FOXN3: variants seen among roughly 807,000 people sequenced by gnomAD.
FOXN3 encodes the protein forkhead box N3, also known as forkhead box protein N3.
In FOXN3, 7 loss-of-function variants were observed where a neutral mutation model predicts 38.4. The observed-to-expected ratio is 0.18, with a 90% CI of 0.10 to 0.34. The LOEUF (loss-of-function observed/expected upper bound fraction) is 0.34. Ranked by LOEUF, FOXN3 falls within the 10% of genes least tolerant of loss-of-function variation. The probability of loss-of-function intolerance (pLI) is 1.00; values close to 1 mark genes in which losing one functional copy is unlikely to be tolerated. For missense variants in FOXN3, 456 were observed against 613.4 expected, an observed-to-expected ratio of 0.74 and a Z score of 2.71; for synonymous variants, 230 against 242.2, an observed-to-expected ratio of 0.95 and a Z score of 0.47.
At chr14:89,238,950 G>A (rs939828973) in intron 4 of FOXN3, among the ~76,000 whole-genome samples, 2 of 152,100 alleles carry the variant, frequency 1.3e-5, no homozygotes, top group African/African-American at 4.8e-5. Context: ...CATAATTGCA[G>A]ACTGCCAGTA....
chr14:89,377,395 C>T (rs2160218), intron 2 of FOXN3, among the ~76,000 whole-genome samples: 58,538 of 151,994 alleles, frequency 0.39, 13,821 homozygotes, highest in Admixed American at 0.55. Context: ...TGACAGACAT[C>T]GAACTGAATT....
intron 4 of FOXN3, among the ~76,000 whole-genome samples, chr14:89,262,108 A>C (rs901208592): frequency 8.0e-4 from 119 of 149,136 alleles, no homozygotes; most frequent in South Asian, 1.5e-3. Flanking sequence ...GTCTCAAAAG[A>C]AAAAAAAAAG....
At chr14:89,458,283 G>A (rs117568728) in intron 1 of FOXN3, among the ~76,000 whole-genome samples, 6,240 of 152,194 alleles carry the variant, frequency 0.041, 207 homozygotes, top group Middle Eastern at 0.078. Flanking sequence ...TGCCTTGCCC[G>A]GGGCTCTCTG....
chr14:89,440,259 T>C (rs945682326), intron 1 of FOXN3, among the ~76,000 whole-genome samples: 52 of 152,160 alleles, frequency 3.4e-4, no homozygotes, highest in African/African-American at 1.1e-3. Flanking sequence ...AGGGGTGCTT[T>C]CCTGGCCTCT....
At chr14:89,529,187 T>C (rs1174367036) in intron 1 of FOXN3, among the ~76,000 whole-genome samples, 1 of 152,130 alleles carries the variant, frequency 6.6e-6, no homozygotes, top group Non-Finnish European at 1.5e-5. Context: ...AAATCATACA[T>C]AGGTGGTTCC....
chr14:89,311,643 GA>G (rs1887553378), intron 3 of FOXN3, among the ~76,000 whole-genome samples: 8 of 149,980 alleles, frequency 5.3e-5, no homozygotes, highest in Non-Finnish European at 1.0e-4. Flanking sequence ...TGGCTAACCG[GA>G]TGAAACCCCG....
rs890765793 is a variant in FOXN3 at position 89,160,955 on chromosome 14, AAAG to A, written c.*1456_*1458del. Reference sequence around the variant, plus strand: ...AAGAAAGCAAAGAAAAGGAAAGAAAAAAGAAGAAAACCAAAAGAAACTCTAAGC... The same window carrying A: ...AAGAAAGCAAAGAAAAGGAAAGAAAAAAGAAAACCAAAAGAAACTCTAAGC... On this transcript the variant is annotated 3_prime_UTR_variant, in exon 6 of 6. Coordinates refer to ENST00000557258, the MANE Select transcript of FOXN3 (RefSeq NM_005197.4). The A allele has an allele frequency of 1.3e-5, 2 of 152,212 alleles. No homozygotes were observed. Among genetic ancestry groups the A allele is most frequent in the African/African-American group, 4.8e-5 (2 of 41,460 alleles). The allele number at this position is 152,212 out of a possible 1,614,324, so 9.4% of individuals were successfully genotyped here. A position where few individuals can be genotyped will look rare whatever the true frequency, so the allele number is the denominator to read the frequency against.
intron 1 of FOXN3, among the ~76,000 whole-genome samples, chr14:89,466,023 A>G (rs998154413): frequency 6.6e-6 from 1 of 152,210 alleles, no homozygotes; most frequent in Non-Finnish European, 1.5e-5. Context: ...AGTATCTACC[A>G]GCTGCCCCCC....
intron 3 of FOXN3, among the ~76,000 whole-genome samples, chr14:89,297,964 GA>G (rs1887096785): frequency 6.6e-6 from 1 of 152,158 alleles, no homozygotes; most frequent in Admixed American, 6.5e-5. Flanking sequence ...TGGCCTGGGT[GA>G]CAGACAGAGA....
At chr14:89,476,187 G>T (rs1239181121) in intron 1 of FOXN3, among the ~76,000 whole-genome samples, 1 of 152,130 alleles carries the variant, frequency 6.6e-6, no homozygotes, top group Non-Finnish European at 1.5e-5. Context: ...CTAGTGTTAG[G>T]TAAAAGTCCA....
chr14:89,443,902 A>G (rs10130254), intron 1 of FOXN3, among the ~76,000 whole-genome samples: 3,362 of 149,762 alleles, frequency 0.022, 35 homozygotes, highest in Middle Eastern at 0.038. Context: ...CCAGCTACTC[A>G]GGAGGCTGAG....
In FOXN3 at chr14:89,158,193, C is replaced by T. The variant is rs1367259353; in HGVS notation, c.*4221G>A. 1 of 152,314 alleles carries T rather than the reference C, an allele frequency of 6.6e-6. No individual in the cohort carries two copies. The highest frequency in any genetic ancestry group is 2.4e-5 in the African/African-American group (1 of 41,470). 9.4% of individuals were successfully genotyped at this position (152,314 alleles called of 1,614,324 possible). ...GAATGAGTGGAACTTGCGTCAGTAG[C>T]CCTTGGCCTGGGCAGTCCTGGCGTG... On this transcript the variant is annotated 3_prime_UTR_variant, in exon 6 of 6. Transcript: ENST00000557258.
At chr14:89,563,393 G>A (rs140764431) in intron 1 of FOXN3, among the ~76,000 whole-genome samples, 1 of 152,326 alleles carries the variant, frequency 6.6e-6, no homozygotes, top group African/African-American at 2.4e-5. Flanking sequence ...GTGTCCCACA[G>A]CCATACAGAA....
chr14:89,325,469 G>A (rs1401373689), intron 3 of FOXN3, among the ~76,000 whole-genome samples: 1 of 152,058 alleles, frequency 6.6e-6, no homozygotes, highest in Non-Finnish European at 1.5e-5. Flanking sequence ...AGGCTACTGG[G>A]GCCCTTTCTT....
intron 4 of FOXN3, among the ~76,000 whole-genome samples, chr14:89,245,821 C>T (rs1596128378): frequency 6.6e-6 from 1 of 152,124 alleles, no homozygotes; most frequent in African/African-American, 2.4e-5. Context: ...GGAGAGGCAG[C>T]CCCCTGAGAT....
chr14:89,306,602 C>T (rs548812773), intron 3 of FOXN3, among the ~76,000 whole-genome samples: 3 of 152,172 alleles, frequency 2.0e-5, no homozygotes, highest in Non-Finnish European at 2.9e-5. Context: ...CTCCTGAACT[C>T]GTGATCCGCC....
chr14:89,433,211 C>T (rs982249310), intron 1 of FOXN3, among the ~76,000 whole-genome samples: 7 of 152,016 alleles, frequency 4.6e-5, no homozygotes, highest in South Asian at 2.1e-4. Flanking sequence ...TTGCTGGGCA[C>T]GGTGGCTCAC....
chr14:89,351,756 C>G (rs1596204891), intron 2 of FOXN3, among the ~76,000 whole-genome samples: 1 of 152,076 alleles, frequency 6.6e-6, no homozygotes, highest in East Asian at 1.9e-4. Context: ...TTACATAAAC[C>G]CGTGCCCACC....
chr14:89,442,778 A>C (rs1197100524), intron 1 of FOXN3, among the ~76,000 whole-genome samples: 1 of 151,870 alleles, frequency 6.6e-6, no homozygotes, highest in Non-Finnish European at 1.5e-5. Context: ...TACTCCAACC[A>C]GCCAGTCTTT....
Sources: allele counts gnomAD v4.1 joint callset (sites outside exome capture counted in the v4.1 genomes callset), GRCh38; gene constraint gnomAD v4.1.1; transcripts MANE v1.5; gene names NCBI Gene and HGNC (gene_info 2026-07-23, HGNC 2026-07-21).